DYNC2I1: variants seen among roughly 807,000 people sequenced by gnomAD.
DYNC2I1 encodes the protein dynein 2 intermediate chain 1.
In DYNC2I1, 89 loss-of-function variants were observed where a neutral mutation model predicts 133.4. That is an observed-to-expected ratio of 0.67 (90% CI 0.56 to 0.80). The LOEUF (loss-of-function observed/expected upper bound fraction) is 0.80. DYNC2I1 is among the 30% of genes least tolerant of loss of function. DYNC2I1 has a pLI of 0.00. For synonymous variants in DYNC2I1, 504 were observed against 484.3 expected (o/e 1.04, Z -0.54); for missense variants, 1,291 against 1,314.5 (o/e 0.98, Z 0.28).
At chr7:158,903,898 G>A (rs1016294225) in intron 10 of DYNC2I1, 1 of 152,158 alleles carries the variant, frequency 6.6e-6, no homozygotes. Flanking sequence ...TTATTAGCCT[G>A]ATTTACAAGA....
At position 158,912,972 on chromosome 7, in the gene DYNC2I1, T is replaced by G; in HGVS notation, c.1591-13T>G. 6.3e-7 allele frequency: 1 copy of G among 1,583,390 alleles called. No individual in the cohort carries two copies. Among genetic ancestry groups the G allele is most frequent in the Non-Finnish European group, 8.6e-7 (1 of 1,163,686 alleles). On this transcript the variant is annotated splice_polypyrimidine_tract_variant and intron_variant, in intron 12 of 24. Coordinates refer to ENST00000407559, the MANE Select transcript of DYNC2I1 (RefSeq NM_018051.5). The stretch of plus-strand genomic sequence containing the variant: ...GAAACCAATGTTAATTTTGGCATAT[T>G]TTTGTTTTTAAGGCATATGTTCAGT...
chr7:158,957,081 C>G (rs1852218136), downstream of DYNC2I1, among the ~76,000 whole-genome samples: 1 of 152,110 alleles, frequency 6.6e-6, no homozygotes, highest in Non-Finnish European at 1.5e-5. Context: ...GCTGCTGCTG[C>G]CGGCCTGGGT....
chr7:158,844,228 A>C, the DYNC2I1 span, among the ~76,000 whole-genome samples: 1 of 152,184 alleles, frequency 6.6e-6, no homozygotes, highest in Non-Finnish European at 1.5e-5. Flanking sequence ...ACAAAGGGAA[A>C]TACATTTGAG....
intron 4 of DYNC2I1, among the ~76,000 whole-genome samples, chr7:158,955,809 A>C (rs1042690212): frequency 2.6e-5 from 4 of 152,222 alleles, no homozygotes; most frequent in African/African-American, 9.6e-5. Flanking sequence ...GGCAGTGATC[A>C]CAGAATAAAC....
chr7:158,903,254 T>C (rs1846418181), intron 10 of DYNC2I1: 3 of 152,194 alleles, frequency 2.0e-5, no homozygotes, highest in Admixed American at 2.0e-4. Context: ...AATTTAGAAA[T>C]GTATTTTTTC....
intron 1 of DYNC2I1, chr7:158,869,465 C>A: frequency 2.1e-6 from 1 of 472,484 alleles, no homozygotes; most frequent in Non-Finnish European, 4.4e-6. Flanking sequence ...AGCACAGACT[C>A]CCTCTGTGTG....
chr7:158,870,014 C>G, intron 2 of DYNC2I1, 106 bp downstream of exon 2: 1 of 919,066 alleles, frequency 1.1e-6, no homozygotes, highest in Non-Finnish European at 1.7e-6. Context: ...TTATGTGTGC[C>G]TCATTTCAGA....
intron 7 of DYNC2I1, among the ~76,000 whole-genome samples, chr7:158,890,376 A>T (rs772313377): frequency 1.3e-5 from 2 of 151,718 alleles, no homozygotes; most frequent in African/African-American, 2.4e-5. Context: ...ATTTCAGTTG[A>T]TTGTGAATGT....
the DYNC2I1 span, among the ~76,000 whole-genome samples, chr7:158,841,212 TATATA>T: frequency 1.6e-4 from 13 of 80,200 alleles, no homozygotes; most frequent in South Asian, 3.8e-4. Context: ...TATATATATA[TATATA>T]TATATTTTAG....
chr7:158,914,372 C>T, intron 14 of DYNC2I1, 51 bp downstream of exon 14: 3 of 1,440,096 alleles, frequency 2.1e-6, no homozygotes, highest in Non-Finnish European at 1.9e-6. Flanking sequence ...CTTAAAGTTT[C>T]ATTCTACATA....
At chr7:158,851,827 C>A (rs926796905), upstream of DYNC2I1, among the ~76,000 whole-genome samples, 2 of 152,154 alleles carry the variant, frequency 1.3e-5, no homozygotes, top group Non-Finnish European at 2.9e-5. Flanking sequence ...CTCTAAAGAG[C>A]ACCAGGCTAC....
chr7:158,853,163 C>T (rs374595908), upstream of DYNC2I1, among the ~76,000 whole-genome samples: 24 of 152,268 alleles, frequency 1.6e-4, no homozygotes, highest in African/African-American at 5.1e-4. Context: ...GCTTGGTGGC[C>T]ACTGGTGTTG....
rs1297938843 is a variant in DYNC2I1, at chr7:158,871,708, G to T, written c.490+146G>T. 3 of 1,000,734 alleles carry T rather than the reference G, an allele frequency of 3.0e-6. No individual in the cohort carries two copies. The East Asian group carries it at 7.9e-5, about 26-fold the overall frequency. 62.0% of individuals were successfully genotyped at this position (1,000,734 alleles called of 1,614,324 possible). On this transcript the variant is annotated intron_variant, in intron 3 of 24. Transcript: ENST00000407559. ...TTTTTTCTGGACAGGGTCTTGCTCT[G>T]CCCCCAGGCTAGAGAGCAGTGGTGC...
At chr7:158,927,976 G>A (rs895505070) in intron 20 of DYNC2I1, among the ~76,000 whole-genome samples, 2 of 152,158 alleles carry the variant, frequency 1.3e-5, no homozygotes, top group Admixed American at 6.5e-5. Context: ...TCAGGTGTCC[G>A]AGTCTTTCAG....
chr7:158,912,715 C>T (rs1432832602), intron 12 of DYNC2I1, among the ~76,000 whole-genome samples: 1 of 152,174 alleles, frequency 6.6e-6, no homozygotes. Context: ...GCAAAACCAG[C>T]ATGTCCTAAG....
chr7:158,891,195 G>C, intron 7 of DYNC2I1, 70 bp from the exon 8 acceptor site: 18 of 1,556,170 alleles, frequency 1.2e-5, no homozygotes, highest in Non-Finnish European at 1.6e-5. Context: ...GGGGTGGGGG[G>C]GAGCTGCGTG....
At chr7:158,887,209 C>A in intron 7 of DYNC2I1, 134 bp downstream of exon 7, 2 of 831,508 alleles carry the variant, frequency 2.4e-6, no homozygotes, top group Non-Finnish European at 3.9e-6. Context: ...GAGTGGTGAT[C>A]CCAGAAGGCA....
At chr7:158,866,217 G>A (rs1842388370) in intron 1 of DYNC2I1, among the ~76,000 whole-genome samples, 1 of 152,036 alleles carries the variant, frequency 6.6e-6, no homozygotes, top group Non-Finnish European at 1.5e-5. Context: ...TCCCCTGTGT[G>A]CAGCGCCCAC....
At chr7:158,940,048 G>T (rs1851182257) in intron 23 of DYNC2I1, among the ~76,000 whole-genome samples, 1 of 152,064 alleles carries the variant, frequency 6.6e-6, no homozygotes, top group Non-Finnish European at 1.5e-5. Context: ...TAATAGTAGG[G>T]TACTTCAGCA....
Sources: allele counts gnomAD v4.1 joint callset (sites outside exome capture counted in the v4.1 genomes callset), GRCh38; gene constraint gnomAD v4.1.1; transcripts MANE v1.5; gene names NCBI Gene and HGNC (gene_info 2026-07-23, HGNC 2026-07-21).